The following MAP3K5 variants were observed in gnomAD, a reference collection of about 807,000 sequenced individuals.
MAP3K5 encodes mitogen-activated protein kinase kinase kinase 5, also known as ASK-1.
A neutral mutation model predicts 158.7 loss-of-function variants in MAP3K5; 56 were observed. The observed-to-expected ratio is 0.35, with a 90% confidence interval of 0.28 to 0.44. The LOEUF (loss-of-function observed/expected upper bound fraction) is 0.44. Among genes scored for constraint, MAP3K5 ranks in the 20% least tolerant of loss-of-function variants. MAP3K5 has a pLI of 1.00. For missense variants in MAP3K5, 1,294 were observed against 1,674.8 expected, an observed-to-expected ratio of 0.77 and a Z score of 3.97; for synonymous variants, 579 against 601.7, an observed-to-expected ratio of 0.96 and a Z score of 0.55.
chr6:136,580,456 C>A (rs370453034), intron 24 of MAP3K5, 50 bp from the exon 25 acceptor site: 72 of 1,134,392 alleles, frequency 6.3e-5, no homozygotes, highest in Middle Eastern at 2.0e-4. Flanking sequence ...TTGCAAATAG[C>A]CTAGATGATC....
At chr6:136,663,938 T>C (rs1779119011) in intron 8 of MAP3K5, among the ~76,000 whole-genome samples, 2 of 152,006 alleles carry the variant, frequency 1.3e-5, no homozygotes, top group African/African-American at 2.4e-5. Context: ...AATCAATCCC[T>C]CTACACATTT....
chr6:136,668,106 G>A (rs1198794463), intron 8 of MAP3K5, among the ~76,000 whole-genome samples: 1 of 151,866 alleles, frequency 6.6e-6, no homozygotes, highest in Non-Finnish European at 1.5e-5. Flanking sequence ...AAGTGGGCCC[G>A]GTGCGGTGGC....
At chr6:136,753,990 C>T (rs567012769) in intron 1 of MAP3K5, among the ~76,000 whole-genome samples, 20 of 152,206 alleles carry the variant, frequency 1.3e-4, no homozygotes, top group East Asian at 7.7e-4. Context: ...CTAGAAAATC[C>T]GAGGCTGGGT....
At chr6:136,568,760 AG>A (rs1171747387) in intron 25 of MAP3K5, among the ~76,000 whole-genome samples, 1 of 147,682 alleles carries the variant, frequency 6.8e-6, no homozygotes, top group Non-Finnish European at 1.5e-5. Flanking sequence ...TGGGAGGCTG[AG>A]GTAGGAGAAT....
intron 2 of MAP3K5, among the ~76,000 whole-genome samples, chr6:136,709,414 A>T (rs1781214107): frequency 6.6e-6 from 1 of 152,142 alleles, no homozygotes; most frequent in Admixed American, 6.5e-5. Flanking sequence ...GTGTTCATCA[A>T]TTGCTTTTGC....
intron 2 of MAP3K5, among the ~76,000 whole-genome samples, chr6:136,707,951 A>G (rs1392554613): frequency 6.6e-6 from 1 of 152,190 alleles, no homozygotes; most frequent in East Asian, 1.9e-4. Context: ...AAAAAAGCAA[A>G]ATAGAGAACA....
At chr6:136,590,803 G>A (rs1775351305) in intron 23 of MAP3K5, among the ~76,000 whole-genome samples, 1 of 152,232 alleles carries the variant, frequency 6.6e-6, no homozygotes, top group Admixed American at 6.5e-5. Context: ...GCCTCCCAAA[G>A]TGCTGGGATT....
chr6:136,585,791 C>G (rs1219691060), intron 23 of MAP3K5, among the ~76,000 whole-genome samples: 1 of 152,188 alleles, frequency 6.6e-6, no homozygotes, highest in Non-Finnish European at 1.5e-5. Context: ...GGACTATAGG[C>G]ATGAGCCACC....
intron 1 of MAP3K5, among the ~76,000 whole-genome samples, chr6:136,764,646 T>A (rs201464807): frequency 6.6e-6 from 1 of 152,216 alleles, no homozygotes; most frequent in East Asian, 1.9e-4. Context: ...GCCACTACAC[T>A]TTTTTGTGGT....
At chr6:136,641,071 G>C (rs1777907724) in intron 12 of MAP3K5, among the ~76,000 whole-genome samples, 1 of 152,176 alleles carries the variant, frequency 6.6e-6, no homozygotes, top group African/African-American at 2.4e-5. Context: ...ACTTTCTTAA[G>C]TGGATTGCTT....
intron 1 of MAP3K5, among the ~76,000 whole-genome samples, chr6:136,729,779 C>T (rs554639058): frequency 2.6e-5 from 4 of 152,146 alleles, no homozygotes; most frequent in African/African-American, 4.8e-5. Context: ...CTACACAGAC[C>T]GGGGGCTGGG....
In MAP3K5 at chr6:136,720,500, T is replaced by G. The variant is rs772610425; in HGVS notation, c.538A>C (p.Asn180His). The G allele has an allele frequency of 1.2e-6, 2 of 1,613,588 alleles. No individual in the cohort carries two copies. The highest frequency in any genetic ancestry group is 4.5e-5 in the East Asian group (2 of 44,830). Residue 180 changes from asparagine (N) to histidine (H), a missense_variant, in exon 2 of 30, where the codon AAC becomes CAC. Around this residue, in one of 5 missense-constraint regions of MAP3K5, gnomAD observed 690 missense variants for 870.5 expected, o/e 0.79. Coordinates refer to ENST00000359015, the MANE Select transcript of MAP3K5 (RefSeq NM_005923.4). Reference sequence around the variant, plus strand: ...TTAGTATCACAGTAGAGGATGATGTTGTTGGCCATGCTGAAACTTTCTCTC... The same window carrying G: ...TTAGTATCACAGTAGAGGATGATGTGGTTGGCCATGCTGAAACTTTCTCTC... ...GVRESFSMAN[N>H]IILYCDTNSD... is the part of the protein sequence containing the mutation.
At chr6:136,792,841 C>G (rs1037478190), upstream of MAP3K5, among the ~76,000 whole-genome samples, 15 of 152,344 alleles carry the variant, frequency 9.8e-5, no homozygotes, top group African/African-American at 3.6e-4. This position sits in a 1 kb window ranked among gnomAD's most constrained non-coding sequence, Gnocchi z 5.7. Context: ...GACGCTCTCC[C>G]TCTCCACCAC....
At chr6:136,662,345 C>T (rs1022024365) in intron 8 of MAP3K5, among the ~76,000 whole-genome samples, 5 of 152,146 alleles carry the variant, frequency 3.3e-5, no homozygotes, top group African/African-American at 7.2e-5. Context: ...CTTTTTTAAC[C>T]GCTGAGATTG....
intron 1 of MAP3K5, among the ~76,000 whole-genome samples, chr6:136,784,513 A>G (rs1273046153): frequency 6.6e-6 from 1 of 152,184 alleles, no homozygotes; most frequent in African/African-American, 2.4e-5. Context: ...CATGTGTTGG[A>G]CACCACTGGG....
At chr6:136,712,013 G>C (rs981190743) in intron 2 of MAP3K5, among the ~76,000 whole-genome samples, 1 of 151,906 alleles carries the variant, frequency 6.6e-6, no homozygotes, top group Non-Finnish European at 1.5e-5. Flanking sequence ...AAGCTGGAAA[G>C]TAATCCTAAA....
chr6:136,634,516 G>C (rs569662406), intron 14 of MAP3K5, among the ~76,000 whole-genome samples: 1 of 152,148 alleles, frequency 6.6e-6, no homozygotes, highest in East Asian at 1.9e-4. Flanking sequence ...TTCTCTGTCA[G>C]AAATTTTACA....
intron 1 of MAP3K5, among the ~76,000 whole-genome samples, chr6:136,777,814 C>CA (rs11406245): frequency 0.66 from 100,103 of 151,942 alleles, 33,413 homozygotes; most frequent in African/African-American, 0.77. Context: ...CTGGCCCAGC[C>CA]TTCGAATGCT....
At chr6:136,756,488 G>A (rs1402507701) in intron 1 of MAP3K5, among the ~76,000 whole-genome samples, 2 of 152,056 alleles carry the variant, frequency 1.3e-5, no homozygotes, top group Non-Finnish European at 2.9e-5. Context: ...TCTCACTGTC[G>A]CCCAGGCTGG....
Sources: allele counts gnomAD v4.1 joint callset (sites outside exome capture counted in the v4.1 genomes callset), GRCh38; gene constraint gnomAD v4.1.1; regional missense constraint gnomAD v4.1.1; non-coding constraint Gnocchi (gnomAD v3.1); transcripts MANE v1.5; gene names NCBI Gene and HGNC (gene_info 2026-07-23, HGNC 2026-07-21).